ECHDC1: variants seen among roughly 807,000 people sequenced by gnomAD.
ECHDC1 encodes the protein ethylmalonyl-CoA decarboxylase.
In ECHDC1, 29 loss-of-function variants were observed where a neutral mutation model predicts 29.7. That is an observed-to-expected ratio of 0.98 (90% CI 0.73 to 1.33). ECHDC1 has a LOEUF of 1.33. Among genes scored for constraint, ECHDC1 ranks in the 40% most tolerant of loss-of-function variants. The probability of loss-of-function intolerance (pLI) is 0.00; values close to 1 mark genes in which losing one functional copy is unlikely to be tolerated. For missense variants in ECHDC1, 328 were observed against 350.0 expected, an observed-to-expected ratio of 0.94 and a Z score of 0.50; for synonymous variants, 126 against 123.1, an observed-to-expected ratio of 1.02 and a Z score of -0.15.
intron 1 of ECHDC1, among the ~76,000 whole-genome samples, chr6:127,337,185 C>A (rs920858698): frequency 1.3e-5 from 2 of 152,172 alleles, no homozygotes; most frequent in African/African-American, 4.8e-5. Context: ...AATTGCCCTG[C>A]GAAGTTTCTT....
chr6:127,306,853 C>T (rs1781481380), intron 5 of ECHDC1, among the ~76,000 whole-genome samples: 1 of 152,208 alleles, frequency 6.6e-6, no homozygotes, highest in Admixed American at 6.5e-5. Flanking sequence ...TGCAATATTT[C>T]CTCCAAGAGC....
intron 1 of ECHDC1, among the ~76,000 whole-genome samples, chr6:127,333,348 G>A (rs1784133650): frequency 6.6e-6 from 1 of 152,056 alleles, no homozygotes; most frequent in Non-Finnish European, 1.5e-5. Flanking sequence ...TTGGGGTCCT[G>A]AGATCTATTT....
intron 5 of ECHDC1, among the ~76,000 whole-genome samples, chr6:127,298,044 C>T (rs181926567): frequency 6.6e-6 from 1 of 152,122 alleles, no homozygotes; most frequent in Non-Finnish European, 1.5e-5. Context: ...CAACAGTGAA[C>T]TAATGTAAGT....
At chr6:127,329,954 C>G (rs562398050) in intron 2 of ECHDC1, 3 of 437,516 alleles carry the variant, frequency 6.9e-6, no homozygotes, top group Non-Finnish European at 1.4e-5. Context: ...GGTTTACAGA[C>G]TATTGAATTA....
At chr6:127,316,589 A>T in intron 3 of ECHDC1, 87 bp from the exon 4 acceptor site, 1 of 1,101,840 alleles carries the variant, frequency 9.1e-7, no homozygotes, top group Non-Finnish European at 1.3e-6. Context: ...GAAAGTAATG[A>T]AGCCAAAAAT....
intron 5 of ECHDC1, among the ~76,000 whole-genome samples, chr6:127,300,938 T>TA (rs1781006417): frequency 6.6e-6 from 1 of 152,216 alleles, no homozygotes; most frequent in South Asian, 2.1e-4. Flanking sequence ...TCTTAATTTA[T>TA]ATTTCATTCT....
At chr6:127,311,707 AAAAGAAAG>A (rs71024773) in intron 5 of ECHDC1, among the ~76,000 whole-genome samples, 1 of 88,956 alleles carries the variant, frequency 1.1e-5, no homozygotes, top group Non-Finnish European at 2.0e-5. Context: ...AAGAAAAGAA[AAAAGAAAG>A]AAAGAAAGAA....
intron 3 of ECHDC1, among the ~76,000 whole-genome samples, chr6:127,326,728 A>G (rs1221277335): frequency 6.6e-6 from 1 of 152,316 alleles, no homozygotes; most frequent in East Asian, 1.9e-4. Context: ...AATATCTAAC[A>G]CAACTGAGAG....
At chr6:127,314,780 T>C (rs1782221406) in intron 5 of ECHDC1, 36 bp downstream of exon 5, 2 of 1,523,040 alleles carry the variant, frequency 1.3e-6, no homozygotes, top group African/African-American at 2.8e-5. Context: ...AAGTTAATTA[T>C]ATTTGTGCAA....
In ECHDC1 at chr6:127,296,043, T is replaced by G. The variant is rs184875710; in HGVS notation, c.498-5766A>C. On this transcript the variant is annotated intron_variant, in intron 5 of 5. Transcript: ENST00000454859. ...ATAAGCTCAAAATGGATTAGATATA[T>G]AAATGTAAAACACAAAACCATTCAA... Among the ~76,000 whole-genome samples the G allele has an allele frequency of 4.6e-4, 70 of 152,280 alleles. No homozygotes were observed. The East Asian group carries it at 0.011, about 25-fold the overall frequency.
At chr6:127,328,879 T>C (rs1013169564) in intron 2 of ECHDC1, among the ~76,000 whole-genome samples, 14 of 151,932 alleles carry the variant, frequency 9.2e-5, no homozygotes, top group South Asian at 2.1e-4. Flanking sequence ...ATAAAAAAAC[T>C]AGCCGGGCGT....
At chr6:127,323,163 C>G (rs1057150790) in intron 3 of ECHDC1, among the ~76,000 whole-genome samples, 8 of 151,776 alleles carry the variant, frequency 5.3e-5, no homozygotes, top group Non-Finnish European at 1.0e-4. Context: ...GGTTCCATTC[C>G]CAGGATATCT....
chr6:127,316,729 G>C (rs1782413803), intron 3 of ECHDC1, among the ~76,000 whole-genome samples: 1 of 152,026 alleles, frequency 6.6e-6, no homozygotes, highest in Non-Finnish European at 1.5e-5. Context: ...TATTAGCAAA[G>C]ATGTAGGGAT....
rs569556220 is a variant in ECHDC1 at position 127,331,687 on chromosome 6, T to C, written c.-2-657A>G. 4 of 443,464 alleles carry C rather than the reference T, an allele frequency of 9.0e-6. No homozygotes were observed. The East Asian group carries it at 6.2e-4, about 69-fold the overall frequency. The allele number at this position is 443,464 out of a possible 1,614,324, so 27.5% of individuals were successfully genotyped here. A position where few individuals can be genotyped will look rare whatever the true frequency, so the allele number is the denominator to read the frequency against. On this transcript the variant is annotated intron_variant, in intron 1 of 5. Coordinates refer to ENST00000454859, the MANE Select transcript of ECHDC1 (RefSeq NM_001002030.2). ...TAGGTAGTCTTTTGCATCACATGCTTCTTCATTCTCCAACTCTTAACTTTT... is the reference window on the plus strand; with the variant it reads ...TAGGTAGTCTTTTGCATCACATGCTCCTTCATTCTCCAACTCTTAACTTTT...
At chr6:127,293,162 A>G (rs1780332777) in intron 5 of ECHDC1, among the ~76,000 whole-genome samples, 1 of 152,120 alleles carries the variant, frequency 6.6e-6, no homozygotes. Flanking sequence ...GTGAGTTACT[A>G]CTTCTTGATG....
At chr6:127,312,891 T>A (rs541446556) in intron 5 of ECHDC1, among the ~76,000 whole-genome samples, 17 of 152,110 alleles carry the variant, frequency 1.1e-4, no homozygotes, top group African/African-American at 4.1e-4. Flanking sequence ...CTCAAAATAA[T>A]TACACTGAAT....
intron 3 of ECHDC1, among the ~76,000 whole-genome samples, chr6:127,318,971 C>A (rs1782619794): frequency 6.6e-6 from 1 of 152,160 alleles, no homozygotes; most frequent in South Asian, 2.1e-4. Context: ...AAAAACCTTT[C>A]CAATAAAATC....
At chr6:127,300,837 A>G (rs1054215397) in intron 5 of ECHDC1, among the ~76,000 whole-genome samples, 3 of 152,340 alleles carry the variant, frequency 2.0e-5, no homozygotes, top group Admixed American at 2.0e-4. Flanking sequence ...TCAGACCTAT[A>G]CATCTGTGAG....
intron 5 of ECHDC1, among the ~76,000 whole-genome samples, chr6:127,312,788 A>C (rs1413901459): frequency 6.6e-6 from 1 of 152,196 alleles, no homozygotes; most frequent in Non-Finnish European, 1.5e-5. Flanking sequence ...ACACAGATAA[A>C]TCTCAGAAAC....
Sources: gnomAD v4.1 joint callset for allele counts (sites outside exome capture counted in the v4.1 genomes callset) on GRCh38, gnomAD v4.1.1 for gene constraint, MANE v1.5 for transcripts, NCBI Gene and HGNC (gene_info 2026-07-23, HGNC 2026-07-21) for gene names.